GALNT11: variants seen among roughly 807,000 people sequenced by gnomAD.
GALNT11 encodes polypeptide N-acetylgalactosaminyltransferase 11.
A neutral mutation model predicts 72.7 loss-of-function variants in GALNT11; 47 were observed. That is an observed-to-expected ratio of 0.65 (90% CI 0.51 to 0.82). The LOEUF (loss-of-function observed/expected upper bound fraction) is 0.82, where lower values mean the gene tolerates loss of function less well. Ranked by LOEUF, GALNT11 falls within the 40% of genes least tolerant of loss-of-function variation. The pLI, the probability that GALNT11 is intolerant of heterozygous loss-of-function variation, is 0.00. For synonymous variants in GALNT11, 270 were observed against 286.6 expected, an observed-to-expected ratio of 0.94 and a Z score of 0.58; for missense variants, 677 against 778.4, an observed-to-expected ratio of 0.87 and a Z score of 1.55.
chr7:152,100,363 C>A (rs1049683656), intron 2 of GALNT11, among the ~76,000 whole-genome samples: 3 of 151,830 alleles, frequency 2.0e-5, no homozygotes. Context: ...GTCAGGAGAT[C>A]GAGACCATCC....
In GALNT11 at chr7:152,117,146, T is replaced by G; in HGVS notation, c.1234-11T>G. 1 of 1,571,492 alleles carries G rather than the reference T, an allele frequency of 6.4e-7. No homozygotes were observed. The highest frequency in any genetic ancestry group is 8.6e-7 in the Non-Finnish European group (1 of 1,164,454). Reference sequence around the variant, plus strand: ...ATTCGATTTTCTTATTTTTACTTTTTTTAAATTCAGGAGCAGTATTTTTCC... The same window carrying G: ...ATTCGATTTTCTTATTTTTACTTTTGTTAAATTCAGGAGCAGTATTTTTCC... On this transcript the variant is annotated splice_polypyrimidine_tract_variant and intron_variant, in intron 8 of 11. Transcript: ENST00000430044.
chr7:152,051,796 A>T (rs902897179), intron 1 of GALNT11, among the ~76,000 whole-genome samples: 1 of 152,230 alleles, frequency 6.6e-6, no homozygotes, highest in African/African-American at 2.4e-5. Context: ...GAACTTTTCA[A>T]GTTAAATGTT....
At chr7:152,035,507 C>G (rs910698469) in intron 1 of GALNT11, among the ~76,000 whole-genome samples, 4 of 152,122 alleles carry the variant, frequency 2.6e-5, no homozygotes, top group East Asian at 3.9e-4. Context: ...CAGGGTCAAC[C>G]AACTTGTTGT....
chr7:152,034,620 C>A (rs776047379), intron 1 of GALNT11, among the ~76,000 whole-genome samples: 1 of 152,094 alleles, frequency 6.6e-6, no homozygotes, highest in Non-Finnish European at 1.5e-5. Flanking sequence ...CTCCCCCTGC[C>A]CAAGAACCCA....
chr7:152,113,688 G>T (rs1386745028), intron 8 of GALNT11, among the ~76,000 whole-genome samples: 1 of 131,894 alleles, frequency 7.6e-6, no homozygotes, highest in African/African-American at 2.9e-5. Flanking sequence ...TCTCTCTATT[G>T]TGACGCCTGC....
At position 152,117,324 on chromosome 7, in the gene GALNT11, C is replaced by T; in HGVS notation, c.1401C>T (p.Pro467=). ...GGTCCCACGCCAAACCCCAACAACC[C>T]ATTTTTGTCAATAGAGGGCCAAAAC... ...ISGSHAKPQQ[P]IFVNRGPKRP... The change falls in exon 9 of 12, where the codon CCC becomes CCT. Residue 467 remains proline (P), a synonymous_variant. Coordinates refer to ENST00000430044, the MANE Select transcript of GALNT11 (RefSeq NM_022087.4). 6.2e-7 allele frequency: 1 copy of T among 1,614,090 alleles called. No individual in the cohort carries two copies. Among genetic ancestry groups the T allele is most frequent in the East Asian group, 2.2e-5 (1 of 44,878 alleles).
chr7:152,102,169 C>T (rs2086986158), intron 3 of GALNT11, among the ~76,000 whole-genome samples: 1 of 152,136 alleles, frequency 6.6e-6, no homozygotes, highest in Admixed American at 6.5e-5. Flanking sequence ...GCATGAAACA[C>T]TTGCAGTGAT....
chr7:152,070,739 G>T (rs1374141768), intron 1 of GALNT11, among the ~76,000 whole-genome samples: 1 of 152,188 alleles, frequency 6.6e-6, no homozygotes, highest in Non-Finnish European at 1.5e-5. Flanking sequence ...TAATTCTGGG[G>T]ATTAGGATGT....
intron 1 of GALNT11, among the ~76,000 whole-genome samples, chr7:152,029,202 T>TGGAGAGTCATTGCTGCC (rs1184705627): frequency 6.6e-6 from 1 of 152,198 alleles, no homozygotes; most frequent in Admixed American, 6.5e-5. Flanking sequence ...TCGGTGGTTT[T>TGGAGAGTCATTGCTGCC]GGAGAGTCAT....
chr7:152,095,087 T>C (rs1270002740), intron 2 of GALNT11, among the ~76,000 whole-genome samples: 1 of 152,192 alleles, frequency 6.6e-6, no homozygotes, highest in Non-Finnish European at 1.5e-5. Context: ...CTGGGGTTAT[T>C]TATATCTAAT....
Position 152,105,317 on chromosome 7 carries a change from C to G in GALNT11, c.659C>G (p.Thr220Arg). The G allele has an allele frequency of 1.2e-6, 2 of 1,613,924 alleles. No individual in the cohort carries two copies. Among genetic ancestry groups the G allele is most frequent in the Non-Finnish European group, 8.5e-7 (1 of 1,179,940 alleles). Residue 220 changes from threonine to arginine, a missense_variant, in exon 5 of 12, where the codon ACA becomes AGA. Physicochemically the swap from Thr to Arg is moderately conservative, Grantham distance 71. Coordinates refer to ENST00000430044, the MANE Select transcript of GALNT11 (RefSeq NM_022087.4). ...LPGKIKVIRN[T>R]KREGLIRGRM... ...GGAAAAATTAAAGTCATAAGAAATA[C>G]AAAGCGTGAGGGGTTGATTCGAGGG... is the stretch of plus-strand genomic sequence containing the variant.
chr7:152,075,530 C>T (rs1196563022), intron 1 of GALNT11, among the ~76,000 whole-genome samples: 6 of 150,324 alleles, frequency 4.0e-5, no homozygotes, highest in African/African-American at 9.8e-5. Context: ...GACTGGGCCC[C>T]GTGGCTCCCG....
chr7:152,047,042 G>A (rs2083161777), intron 1 of GALNT11, among the ~76,000 whole-genome samples: 1 of 152,172 alleles, frequency 6.6e-6, no homozygotes, highest in Non-Finnish European at 1.5e-5. Flanking sequence ...ACTTAACACT[G>A]ATTGTCTAAA....
At position 152,121,990 on chromosome 7, in the gene GALNT11, T is replaced by TTTTAACTCTAGAA. The variant is rs2089461879; in HGVS notation, c.*316_*328dup. On this transcript the variant is annotated 3_prime_UTR_variant, in exon 12 of 12. Coordinates refer to ENST00000430044, the MANE Select transcript of GALNT11 (RefSeq NM_022087.4). ...CTTATAGAGGCAAACCACAGTATCA[T>TTTTAACTCTAGAA]TTTAACTCTAGAATTGGGCTTGTAC... The TTTTAACTCTAGAA allele has an allele frequency of 8.4e-6, 2 of 238,540 alleles. No individual in the cohort carries two copies. The highest frequency in any genetic ancestry group is 5.0e-5 in the Admixed American group (1 of 19,862). 14.8% of individuals were successfully genotyped at this position (238,540 alleles called of 1,614,324 possible).
At chr7:152,071,063 G>T (rs904826598) in intron 1 of GALNT11, among the ~76,000 whole-genome samples, 2 of 152,234 alleles carry the variant, frequency 1.3e-5, no homozygotes. Flanking sequence ...GGCAGGGAGA[G>T]ATCACAGGAC....
At chr7:152,083,703 C>T (rs980011577) in intron 1 of GALNT11, among the ~76,000 whole-genome samples, 3 of 151,964 alleles carry the variant, frequency 2.0e-5, no homozygotes, top group African/African-American at 7.3e-5. Flanking sequence ...TTATAATTAA[C>T]TTGTCTAGCT....
chr7:152,074,589 C>G (rs2084840812), intron 1 of GALNT11, among the ~76,000 whole-genome samples: 1 of 152,046 alleles, frequency 6.6e-6, no homozygotes, highest in Non-Finnish European at 1.5e-5. Context: ...AGCTTTATAA[C>G]TTTTTTTTCC....
chr7:152,118,016 CCTT>C (rs1212959420), intron 9 of GALNT11: 2 of 152,714 alleles, frequency 1.3e-5, no homozygotes, highest in South Asian at 2.1e-4. Context: ...GCCCAGTGTC[CCTT>C]CTTTTATGAA....
chr7:152,052,766 C>T (rs2083462804), intron 1 of GALNT11, among the ~76,000 whole-genome samples: 1 of 152,204 alleles, frequency 6.6e-6, no homozygotes, highest in Admixed American at 6.5e-5. Flanking sequence ...TTTCGTGTAA[C>T]TTAAACTATC....
Sources: allele counts gnomAD v4.1 joint callset (sites outside exome capture counted in the v4.1 genomes callset), GRCh38; gene constraint gnomAD v4.1.1; transcripts MANE v1.5; gene names NCBI Gene and HGNC (gene_info 2026-07-23, HGNC 2026-07-21).